The following TMEM135 variants were observed in gnomAD, a reference collection of about 807,000 sequenced individuals.
The protein encoded by TMEM135 is transmembrane protein 135.
In TMEM135, 30 loss-of-function variants were observed where a neutral mutation model predicts 60.3. The ratio of observed to expected loss-of-function variants is 0.50; its 90% confidence interval spans 0.37 to 0.68. The LOEUF is 0.68. TMEM135 is among the 30% of genes least tolerant of loss of function. The pLI, the probability that TMEM135 is intolerant of heterozygous loss-of-function variation, is 0.00. For missense variants in TMEM135, 468 were observed against 548.8 expected, an observed-to-expected ratio of 0.85 and a Z score of 1.47; for synonymous variants, 190 against 186.7, an observed-to-expected ratio of 1.02 and a Z score of -0.14.
rs1460709793 is a variant in TMEM135 at position 87,265,217 on chromosome 11, T to C, written c.509+28533T>C. Among the ~76,000 whole-genome samples, 5 of 151,948 alleles carry C rather than the reference T, an allele frequency of 3.3e-5. No individual in the cohort carries two copies. In the East Asian group the frequency reaches 9.6e-4, roughly 29 times the overall value. ...TGAGAAATATAGCTAGAAGCCAAGA[T>C]TTTTAGTCCTACACATCTGGTTGTG... On this transcript the variant is annotated intron_variant, in intron 6 of 14. Transcript: ENST00000305494.
rs567649313 is a variant in TMEM135, at chr11:87,150,890, G to A, written c.397-6451G>A. ...ACTCTGTATTTTACTGCTTGTGGCC[G>A]TAGGTAGATATTTTTAGATCTTTAG... On this transcript the variant is annotated intron_variant, in intron 4 of 14. Transcript: ENST00000305494. Among the ~76,000 whole-genome samples, 26 of 152,070 alleles carry A rather than the reference G, an allele frequency of 1.7e-4. No individual in the cohort carries two copies. The South Asian group carries it at 4.8e-3, about 28-fold the overall frequency.
At chr11:87,039,184 G>A (rs1221819403) in intron 1 of TMEM135, among the ~76,000 whole-genome samples, 18 of 152,178 alleles carry the variant, frequency 1.2e-4, no homozygotes, top group Admixed American at 1.2e-3. Context: ...GGCTGTATCT[G>A]TAGTACTTCT....
intron 5 of TMEM135, among the ~76,000 whole-genome samples, chr11:87,233,774 G>A (rs1209494319): frequency 6.6e-6 from 1 of 151,938 alleles, no homozygotes; most frequent in Non-Finnish European, 1.5e-5. Context: ...AGGAATGTAA[G>A]ATACAGCTAG....
intron 3 of TMEM135, among the ~76,000 whole-genome samples, chr11:87,079,268 A>G (rs1474780654): frequency 2.0e-5 from 3 of 152,182 alleles, no homozygotes; most frequent in African/African-American, 4.8e-5. Flanking sequence ...GGCCCCGCAA[A>G]GTGCTGGAAT....
intron 3 of TMEM135, among the ~76,000 whole-genome samples, chr11:87,080,945 C>G (rs1261090163): frequency 6.6e-6 from 1 of 151,990 alleles, no homozygotes; most frequent in Non-Finnish European, 1.5e-5. Context: ...CTTGGCCTCC[C>G]GAAGTGCTGG....
At chr11:87,097,605 G>A (rs1209895304) in intron 4 of TMEM135, among the ~76,000 whole-genome samples, 1 of 152,152 alleles carries the variant, frequency 6.6e-6, no homozygotes, top group African/African-American at 2.4e-5. Flanking sequence ...GAAGCCTGTG[G>A]TTATGGGGGG....
At chr11:87,200,270 C>A (rs1383190039) in intron 5 of TMEM135, among the ~76,000 whole-genome samples, 1 of 152,084 alleles carries the variant, frequency 6.6e-6, no homozygotes, top group East Asian at 1.9e-4. Context: ...CTTCTAAATA[C>A]ACCCAAAAAT....
rs764657800 is a variant in TMEM135 at position 87,325,488 on chromosome 11, G to GGCTC, written c.*4156_*4159dup. The stretch of plus-strand genomic sequence containing the variant: ...AATTATTCTGTTGCTGTTTTATGTG[G>GGCTC]GCTCTCTCTCTCTCCCTCTCTCTCT... On this transcript the variant is annotated 3_prime_UTR_variant, in exon 15 of 15. Coordinates refer to ENST00000305494, the MANE Select transcript of TMEM135 (RefSeq NM_022918.4). 3 of 453,258 alleles carry GGCTC rather than the reference G, an allele frequency of 6.6e-6. No individual in the cohort carries two copies. Among genetic ancestry groups the GGCTC allele is most frequent in the Admixed American group, 2.4e-5 (1 of 42,432 alleles). 28.1% of individuals were successfully genotyped at this position (453,258 alleles called of 1,614,324 possible). A position where few individuals can be genotyped will look rare whatever the true frequency, so the allele number is the denominator to read the frequency against.
rs557342217 is a variant in TMEM135 at position 87,302,451 on chromosome 11, T to C, written c.698+9T>C. On this transcript the variant is annotated intron_variant, in intron 8 of 14. Transcript: ENST00000305494. ...AAATTTGTGGATTCAATGTGAGCTC[T>C]TTATCTTGATATTTTAACCTGCTTT... The C allele has an allele frequency of 2.8e-5, 45 of 1,613,774 alleles. No individual in the cohort carries two copies. The East Asian group carries it at 8.5e-4, about 30-fold the overall frequency.
intron 4 of TMEM135, among the ~76,000 whole-genome samples, chr11:87,135,592 G>C (rs1425151777): frequency 6.7e-6 from 1 of 148,796 alleles, no homozygotes; most frequent in African/African-American, 2.5e-5. Context: ...CTCTTTCACT[G>C]ATCTATTAGT....
intron 6 of TMEM135, among the ~76,000 whole-genome samples, chr11:87,269,494 C>T (rs1007816844): frequency 1.3e-5 from 2 of 151,732 alleles, no homozygotes; most frequent in African/African-American, 2.4e-5. Flanking sequence ...ATCCCTCCCC[C>T]CTCCTCCCAC....
chr11:87,293,727 A>G (rs1286184391), intron 6 of TMEM135, among the ~76,000 whole-genome samples: 1 of 152,168 alleles, frequency 6.6e-6, no homozygotes, highest in Non-Finnish European at 1.5e-5. Flanking sequence ...TCCATGGTGT[A>G]TATGTACCAC....
chr11:87,280,075 T>G (rs1432262386), intron 6 of TMEM135, among the ~76,000 whole-genome samples: 1 of 152,258 alleles, frequency 6.6e-6, no homozygotes, highest in African/African-American at 2.4e-5. Flanking sequence ...AACTAATTTG[T>G]TAATCTATCA....
chr11:87,286,543 C>T (rs945206544), intron 6 of TMEM135, among the ~76,000 whole-genome samples: 2 of 152,184 alleles, frequency 1.3e-5, no homozygotes, highest in African/African-American at 2.4e-5. Flanking sequence ...CTTAGGCGGT[C>T]GATGGGACCG....
chr11:87,302,195 A>T, intron 7 of TMEM135, 101 bp from the exon 8 acceptor site: 1 of 1,233,926 alleles, frequency 8.1e-7, no homozygotes, highest in South Asian at 1.4e-5. Flanking sequence ...CAAATGATAA[A>T]ATACTTGCCA....
intron 3 of TMEM135, among the ~76,000 whole-genome samples, chr11:87,079,096 G>T (rs1856932115): frequency 6.6e-6 from 1 of 151,864 alleles, no homozygotes; most frequent in African/African-American, 2.4e-5. Context: ...ACCTCCACCT[G>T]CCTGGTTCAA....
intron 5 of TMEM135, among the ~76,000 whole-genome samples, chr11:87,183,955 C>CAAAAAAAAA (rs71040297): frequency 1.2e-5 from 1 of 80,150 alleles, no homozygotes. Context: ...GACTTCGTCG[C>CAAAAAAAAA]AAAAAAAAAA....
chr11:87,114,560 T>G (rs900717992), intron 4 of TMEM135, among the ~76,000 whole-genome samples: 2 of 152,208 alleles, frequency 1.3e-5, no homozygotes, highest in African/African-American at 2.4e-5. Flanking sequence ...TGTAGAGCAG[T>G]ACAGTTTTAG....
chr11:87,295,774 T>C lies in TMEM135; in HGVS notation c.510-8T>C. 6.3e-7 allele frequency: 1 copy of C among 1,598,656 alleles called. No individual in the cohort carries two copies. The highest frequency in any genetic ancestry group is 8.5e-7 in the Non-Finnish European group (1 of 1,170,488). On this transcript the variant is annotated splice_polypyrimidine_tract_variant and splice_region_variant and intron_variant, in intron 6 of 14. Coordinates refer to ENST00000305494, the MANE Select transcript of TMEM135 (RefSeq NM_022918.4). ...TTATTTTATGATTGTAAATTCTTAT[T>C]GTTTTAGGTGCAAGGATGGCTTGAA...
Sources: gnomAD v4.1 joint callset for allele counts (sites outside exome capture counted in the v4.1 genomes callset) on GRCh38, gnomAD v4.1.1 for gene constraint, MANE v1.5 for transcripts, NCBI Gene and HGNC (gene_info 2026-07-23, HGNC 2026-07-21) for gene names.